Variants in ROBO2 observed in about 807,000 individuals in gnomAD.
ROBO2 encodes the protein roundabout guidance receptor 2, also known as roundabout homolog 2.
A neutral mutation model predicts 160.8 loss-of-function variants in ROBO2; 53 were observed. The observed-to-expected ratio is 0.33, with a 90% CI of 0.26 to 0.41. The LOEUF (loss-of-function observed/expected upper bound fraction) is 0.41, where lower values mean the gene tolerates loss of function less well. Among genes scored for constraint, ROBO2 ranks in the 10% least tolerant of loss-of-function variants. The pLI is 1.00. For synonymous variants in ROBO2, 664 were observed against 611.7 expected (o/e 1.09, Z -1.26); for missense variants, 1,577 against 1,722.4 (o/e 0.92, Z 1.49).
At chr3:76,603,274 G>C (rs2087307582) in intron 2 of ROBO2, among the ~76,000 whole-genome samples, 1 of 144,162 alleles carries the variant, frequency 6.9e-6, no homozygotes. Context: ...AGAGCTTGCA[G>C]TGAGCCAAGA....
At chr3:76,179,498 T>A (rs1484808745) in intron 2 of ROBO2, among the ~76,000 whole-genome samples, 3 of 152,158 alleles carry the variant, frequency 2.0e-5, no homozygotes, top group Non-Finnish European at 4.4e-5. Flanking sequence ...TTGAGCCTTA[T>A]CAGTTTTAAT....
chr3:76,989,836 G>A (rs2149364484), intron 2 of ROBO2, among the ~76,000 whole-genome samples: 1 of 152,272 alleles, frequency 6.6e-6, no homozygotes, highest in South Asian at 2.1e-4. Flanking sequence ...TAGTTTGTCT[G>A]TGTGTATGTG....
chr3:77,200,167 T>A (rs1205937990), intron 2 of ROBO2, among the ~76,000 whole-genome samples: 1 of 149,334 alleles, frequency 6.7e-6, no homozygotes, highest in African/African-American at 2.4e-5. Flanking sequence ...GTGTTATGAA[T>A]GACTTTCCTT....
intron 2 of ROBO2, among the ~76,000 whole-genome samples, chr3:76,642,281 C>T (rs1158596973): frequency 2.0e-5 from 3 of 149,178 alleles, no homozygotes; most frequent in African/African-American, 7.4e-5. Context: ...AGCTCAAGAC[C>T]TTGACCGCTG....
At chr3:77,251,062 A>G (rs751872565) in intron 2 of ROBO2, among the ~76,000 whole-genome samples, 2 of 152,050 alleles carry the variant, frequency 1.3e-5, no homozygotes, top group Non-Finnish European at 2.9e-5. Flanking sequence ...CTGCAGTTCC[A>G]GGAGCTCAGG....
At chr3:75,932,674 A>T (rs1326339903) in intron 1 of ROBO2, among the ~76,000 whole-genome samples, 5 of 152,202 alleles carry the variant, frequency 3.3e-5, no homozygotes, top group Non-Finnish European at 5.9e-5. Flanking sequence ...CAAATGATTT[A>T]TCTGAACTAA....
intron 2 of ROBO2, among the ~76,000 whole-genome samples, chr3:75,986,663 T>G (rs2065423904): frequency 6.6e-6 from 1 of 151,658 alleles, no homozygotes; most frequent in Non-Finnish European, 1.5e-5. Context: ...CTTCTCAGAG[T>G]TTTATAGTAT....
At chr3:76,041,398 A>G (rs1010698011) in intron 2 of ROBO2, among the ~76,000 whole-genome samples, 9 of 152,046 alleles carry the variant, frequency 5.9e-5, no homozygotes, top group Middle Eastern at 3.2e-3. Context: ...TCAAGGAGGA[A>G]GTTACACAAC....
At chr3:76,140,797 T>A (rs2071603693) in intron 2 of ROBO2, among the ~76,000 whole-genome samples, 1 of 151,450 alleles carries the variant, frequency 6.6e-6, no homozygotes, top group South Asian at 2.1e-4. Context: ...CATTATCCTT[T>A]GAGGGGTGGG....
At chr3:77,594,119 T>C (rs2094244880) in intron 17 of ROBO2, among the ~76,000 whole-genome samples, 1 of 152,222 alleles carries the variant, frequency 6.6e-6, no homozygotes, top group Non-Finnish European at 1.5e-5. Flanking sequence ...ACTAATTTAA[T>C]GGCAAAATTT....
rs1553672736 is a variant in ROBO2 at position 76,194,353 on chromosome 3, A to ATATATATATAT, written c.109+256751_109+256752insTATATATATAT. On this transcript the variant is annotated intron_variant, in intron 2 of 26. Coordinates refer to the ROBO2 transcript ENST00000487694. ...TCTATATAAATATGTATGGTGTGTA[A>ATATATATATAT]ATATATATATATATATATATATATA... Among the ~76,000 whole-genome samples, 364 of 94,444 alleles carry ATATATATATAT rather than the reference A, an allele frequency of 3.9e-3. 39 individuals are homozygous for ATATATATATAT. The highest frequency in any genetic ancestry group is 5.0e-3 in the South Asian group (15 of 2,976). 62.0% of individuals were successfully genotyped at this position (94,444 alleles called of 152,430 possible).
chr3:76,388,462 G>A (rs1479452489), intron 2 of ROBO2, among the ~76,000 whole-genome samples: 1 of 151,876 alleles, frequency 6.6e-6, no homozygotes. Flanking sequence ...TAGTAGAGAC[G>A]GGGTTCCACC....
intron 2 of ROBO2, among the ~76,000 whole-genome samples, chr3:76,260,110 T>C (rs192679454): frequency 6.6e-6 from 1 of 152,120 alleles, no homozygotes; most frequent in African/African-American, 2.4e-5. Flanking sequence ...GCTGAAACCA[T>C]AGAAAGTATC....
intron 2 of ROBO2, among the ~76,000 whole-genome samples, chr3:76,343,950 G>C (rs955521896): frequency 4.6e-5 from 7 of 151,816 alleles, no homozygotes; most frequent in Non-Finnish European, 1.0e-4. Flanking sequence ...GAGTAAATTT[G>C]GTTTGTACTA....
exon 26 of ROBO2, chr3:77,647,062 A>G (rs2095417394): frequency 6.6e-6 from 1 of 152,578 alleles, no homozygotes; most frequent in African/African-American, 2.4e-5. Flanking sequence ...ACTCTAGAAT[A>G]TCTAGCAAAT....
Position 76,653,837 on chromosome 3 carries a change from C to G in ROBO2, c.110-444177C>G, listed in dbSNP as rs186877610. On this transcript the variant is annotated intron_variant, in intron 2 of 26. Transcript: ENST00000487694. ...GACATTACCATGGCAACACACTGAC[C>G]TCCATTCAATTAGTTACCACCGAAG... is the stretch of plus-strand genomic sequence containing the variant. 3.3e-5 allele frequency among the ~76,000 whole-genome samples: 5 copies of G among 152,190 alleles called. No individual in the cohort carries two copies. The East Asian group carries it at 9.7e-4, about 29-fold the overall frequency.
intron 2 of ROBO2, among the ~76,000 whole-genome samples, chr3:77,138,729 C>T (rs1372537200): frequency 6.6e-6 from 1 of 152,092 alleles, no homozygotes; most frequent in Admixed American, 6.6e-5. Flanking sequence ...TATGAAAAGA[C>T]TTGGAATGAT....
At chr3:76,654,198 C>T (rs1050138382) in intron 2 of ROBO2, among the ~76,000 whole-genome samples, 1 of 151,968 alleles carries the variant, frequency 6.6e-6, no homozygotes, top group Non-Finnish European at 1.5e-5. Flanking sequence ...TTTAGAAAGC[C>T]GTCATTAATT....
At chr3:76,317,542 T>G (rs774856302) in intron 2 of ROBO2, among the ~76,000 whole-genome samples, 7 of 152,182 alleles carry the variant, frequency 4.6e-5, no homozygotes, top group Non-Finnish European at 7.4e-5. Flanking sequence ...TGAATATTCA[T>G]GCAAAATGCA....
Sources: allele counts gnomAD v4.1 joint callset (sites outside exome capture counted in the v4.1 genomes callset), GRCh38; gene constraint gnomAD v4.1.1; transcripts MANE v1.5; gene names NCBI Gene and HGNC (gene_info 2026-07-23, HGNC 2026-07-21).